The following PLCXD3 variants were observed in gnomAD, a reference collection of about 807,000 sequenced individuals.
The protein encoded by PLCXD3 is PI-PLC X domain-containing protein 3.
PLCXD3 carries 19 observed loss-of-function variants against 25.5 expected under a neutral mutation model. That is an observed-to-expected ratio of 0.75 (90% CI 0.52 to 1.09). The LOEUF (loss-of-function observed/expected upper bound fraction) is 1.09, where lower values mean the gene tolerates loss of function less well. Ranked by LOEUF, PLCXD3 falls within the 50% of genes least tolerant of loss-of-function variation. PLCXD3 has a pLI of 0.00. For synonymous variants in PLCXD3, 174 were observed against 137.6 expected (o/e 1.26, Z -1.85); for missense variants, 411 against 388.1 (o/e 1.06, Z -0.50).
intron 1 of PLCXD3, among the ~76,000 whole-genome samples, chr5:41,433,404 G>A (rs1747163622): frequency 6.6e-6 from 1 of 151,918 alleles, no homozygotes; most frequent in Admixed American, 6.6e-5. Context: ...CTATTCACCA[G>A]GTACCTAAGG....
At chr5:41,340,141 C>T (rs892951133) in intron 2 of PLCXD3, among the ~76,000 whole-genome samples, 2 of 152,160 alleles carry the variant, frequency 1.3e-5, no homozygotes, top group African/African-American at 4.8e-5. Flanking sequence ...GGGTCCTTCT[C>T]TCAGCAGTGC....
At chr5:41,488,614 T>C (rs1748576321) in intron 1 of PLCXD3, among the ~76,000 whole-genome samples, 1 of 145,936 alleles carries the variant, frequency 6.9e-6, no homozygotes, top group Non-Finnish European at 1.5e-5. Flanking sequence ...TTTTAATGAT[T>C]GCCATTCTAA....
At chr5:41,481,113 A>AAAAG (rs1220466968) in intron 1 of PLCXD3, among the ~76,000 whole-genome samples, 1 of 150,518 alleles carries the variant, frequency 6.6e-6, no homozygotes, top group African/African-American at 2.4e-5. Context: ...AAAAAAAAAA[A>AAAAG]AAAAAAAAAA....
intron 1 of PLCXD3, among the ~76,000 whole-genome samples, chr5:41,395,856 T>C (rs2876938): frequency 0.11 from 16,863 of 152,096 alleles, 1,089 homozygotes; most frequent in Admixed American, 0.17. Context: ...ATGGTTTCAC[T>C]GCTGAATTCT....
intron 1 of PLCXD3, among the ~76,000 whole-genome samples, chr5:41,383,169 T>C (rs1013778819): frequency 3.3e-5 from 5 of 152,138 alleles, no homozygotes; most frequent in Non-Finnish European, 7.4e-5. Flanking sequence ...TTTCACATAT[T>C]GAATAAATGA....
At chr5:41,446,776 T>G (rs1747514659) in intron 1 of PLCXD3, among the ~76,000 whole-genome samples, 1 of 152,194 alleles carries the variant, frequency 6.6e-6, no homozygotes. Flanking sequence ...ATAACAATTT[T>G]TATTTCTATG....
chr5:41,360,022 G>T (rs1744728913), intron 2 of PLCXD3, among the ~76,000 whole-genome samples: 1 of 152,040 alleles, frequency 6.6e-6, no homozygotes, highest in Non-Finnish European at 1.5e-5. Context: ...CGGAGCCTTT[G>T]TTCATTTTTT....
intron 2 of PLCXD3, among the ~76,000 whole-genome samples, chr5:41,324,545 A>G (rs1455932978): frequency 6.6e-6 from 1 of 152,204 alleles, no homozygotes; most frequent in East Asian, 1.9e-4. Flanking sequence ...TGGTCCCCAC[A>G]GCAATAGTTT....
At chr5:41,476,606 G>A (rs1748289129) in intron 1 of PLCXD3, among the ~76,000 whole-genome samples, 1 of 152,210 alleles carries the variant, frequency 6.6e-6, no homozygotes, top group Admixed American at 6.5e-5. Flanking sequence ...ACTCTTGGAA[G>A]CTTGCACCTG....
At chr5:41,458,106 G>C (rs1429957942) in intron 1 of PLCXD3, among the ~76,000 whole-genome samples, 2 of 151,848 alleles carry the variant, frequency 1.3e-5, no homozygotes, top group African/African-American at 4.8e-5. Flanking sequence ...TGTTTAACCT[G>C]CATGTGTTTT....
chr5:41,350,464 A>G (rs1744427274), intron 2 of PLCXD3, among the ~76,000 whole-genome samples: 1 of 152,194 alleles, frequency 6.6e-6, no homozygotes, highest in African/African-American at 2.4e-5. Context: ...CTATTCCCAT[A>G]GGAAGAGTAT....
intron 1 of PLCXD3, among the ~76,000 whole-genome samples, chr5:41,475,407 ACTAGTCTTTG>A (rs1397478450): frequency 2.0e-5 from 3 of 151,978 alleles, no homozygotes; most frequent in African/African-American, 7.3e-5. Flanking sequence ...GCTAGTCTCT[ACTAGTCTTTG>A]CTAGTCTCTG....
chr5:41,364,360 T>C (rs1580326265), intron 2 of PLCXD3, among the ~76,000 whole-genome samples: 1 of 152,330 alleles, frequency 6.6e-6, no homozygotes, highest in East Asian at 1.9e-4. Context: ...CATGTTTCCA[T>C]AAGCAAAAGT....
At chr5:41,434,016 G>A (rs556327929) in intron 1 of PLCXD3, among the ~76,000 whole-genome samples, 1 of 152,166 alleles carries the variant, frequency 6.6e-6, no homozygotes, top group Non-Finnish European at 1.5e-5. Context: ...GGATGGCCCA[G>A]GCATTGCAAA....
At chr5:41,366,182 C>T (rs1744933023) in intron 2 of PLCXD3, among the ~76,000 whole-genome samples, 1 of 151,984 alleles carries the variant, frequency 6.6e-6, no homozygotes, top group African/African-American at 2.4e-5. Flanking sequence ...TGAGTGAGAA[C>T]ATGCGCCCCA....
At chr5:41,436,962 T>C (rs1334127865) in intron 1 of PLCXD3, among the ~76,000 whole-genome samples, 1 of 152,226 alleles carries the variant, frequency 6.6e-6, no homozygotes, top group Admixed American at 6.5e-5. Context: ...TTCTAAAAGC[T>C]CTTTTACTTA....
chr5:41,488,794 A>G (rs1409489094), intron 1 of PLCXD3, among the ~76,000 whole-genome samples: 68 of 146,506 alleles, frequency 4.6e-4, no homozygotes, highest in Admixed American at 1.1e-3. Context: ...TTTTCTTGTA[A>G]ATTTGTTTGA....
chr5:41,474,165 T>C (rs561083393), intron 1 of PLCXD3, among the ~76,000 whole-genome samples: 42 of 152,298 alleles, frequency 2.8e-4, no homozygotes, highest in Admixed American at 2.6e-3. Context: ...CTGCTTCTAG[T>C]GAGCAAAGGC....
intron 2 of PLCXD3, among the ~76,000 whole-genome samples, chr5:41,347,042 T>A (rs748132214): frequency 2.2e-4 from 33 of 152,324 alleles, no homozygotes; most frequent in Middle Eastern, 6.8e-3. Context: ...TACTGGATCA[T>A]ATGGTAAGAC....
Sources: gnomAD v4.1 joint callset for allele counts (sites outside exome capture counted in the v4.1 genomes callset) on GRCh38, gnomAD v4.1.1 for gene constraint, MANE v1.5 for transcripts, NCBI Gene and HGNC (gene_info 2026-07-23, HGNC 2026-07-21) for gene names.